Variants in CD1B observed in about 807,000 individuals in gnomAD.
CD1B encodes the protein CD1b molecule, also known as T-cell surface glycoprotein CD1b.
A neutral mutation model predicts 39.8 loss-of-function variants in CD1B; 43 were observed. The ratio of observed to expected loss-of-function variants is 1.08; its 90% confidence interval spans 0.85 to 1.39. The LOEUF (loss-of-function observed/expected upper bound fraction) is 1.39. CD1B is among the 40% of genes most tolerant of loss of function. The pLI is 0.00. For synonymous variants in CD1B, 192 were observed against 152.5 expected (o/e 1.26, Z -1.91); for missense variants, 495 against 403.8 (o/e 1.23, Z -1.94).
chr1:158,320,036 C>T, the CD1B span, among the ~76,000 whole-genome samples: 54 of 152,318 alleles, frequency 3.5e-4, 1 homozygote, highest in African/African-American at 6.0e-4. Context: ...TCTCCAGCTG[C>T]GTACTGGGAG....
At chr1:158,287,564 T>G in the CD1B span, among the ~76,000 whole-genome samples, 15 of 152,142 alleles carry the variant, frequency 9.9e-5, no homozygotes, top group Admixed American at 9.8e-4. Flanking sequence ...CCATTTAGGG[T>G]CCAGTATGAG....
At chr1:158,325,365 T>C (rs576196080), downstream of CD1B, among the ~76,000 whole-genome samples, 1 of 152,278 alleles carries the variant, frequency 6.6e-6, no homozygotes, top group Non-Finnish European at 1.5e-5. Context: ...TTGCATCAGA[T>C]TGGATGCCAA....
At chr1:158,304,330 G>T in the CD1B span, among the ~76,000 whole-genome samples, 1 of 152,188 alleles carries the variant, frequency 6.6e-6, no homozygotes, top group African/African-American at 2.4e-5. Context: ...TGCCCACGGA[G>T]CCTCACTCAT....
chr1:158,292,387 C>A, the CD1B span: 1 of 1,599,726 alleles, frequency 6.3e-7, no homozygotes, highest in East Asian at 2.2e-5. Flanking sequence ...CAGCCCCTTC[C>A]TCTAAGATTT....
chr1:158,330,789 G>T lies in CD1B; in HGVS notation c.328+7C>A. ...AGACTCTTCCCAGTTCGGTGGACTAGACTCACATTTCATCTGGAAATCACC... is the reference window on the plus strand; with the variant it reads ...AGACTCTTCCCAGTTCGGTGGACTATACTCACATTTCATCTGGAAATCACC... On this transcript the variant is annotated splice_region_variant and intron_variant, in intron 2 of 5. Transcript: ENST00000368168. 6.2e-7 allele frequency: 1 copy of T among 1,613,892 alleles called. No individual in the cohort carries two copies. The highest frequency in any genetic ancestry group is 1.1e-5 in the South Asian group (1 of 91,048).
the CD1B span, among the ~76,000 whole-genome samples, chr1:158,291,755 C>T: frequency 6.6e-6 from 1 of 152,104 alleles, no homozygotes; most frequent in Admixed American, 6.5e-5. Context: ...CCATTATGAC[C>T]AATTTCATGC....
the CD1B span, among the ~76,000 whole-genome samples, chr1:158,299,620 CT>C: frequency 3.3e-5 from 5 of 152,200 alleles, no homozygotes; most frequent in Non-Finnish European, 5.9e-5. Context: ...TGGTCCTGGA[CT>C]TTTTTTGGTT....
At chr1:158,319,310 G>T in the CD1B span, among the ~76,000 whole-genome samples, 2 of 151,846 alleles carry the variant, frequency 1.3e-5, no homozygotes, top group Non-Finnish European at 2.9e-5. Context: ...CCAATCAGAC[G>T]TAGATTTGGT....
At chr1:158,294,666 A>T in the CD1B span, among the ~76,000 whole-genome samples, 1 of 152,212 alleles carries the variant, frequency 6.6e-6, no homozygotes, top group Non-Finnish European at 1.5e-5. Flanking sequence ...AGTCAAGCAC[A>T]CCAACAACCT....
chr1:158,293,283 T>C, the CD1B span: 1 of 1,613,942 alleles, frequency 6.2e-7, no homozygotes, highest in Non-Finnish European at 8.5e-7. Context: ...AGTCCTTGTG[T>C]TATGGTTTAA....
At chr1:158,304,326 C>A in the CD1B span, among the ~76,000 whole-genome samples, 9 of 152,132 alleles carry the variant, frequency 5.9e-5, no homozygotes, top group Non-Finnish European at 1.0e-4. Context: ...CCTATGCCCA[C>A]GGAGCCTCAC....
the CD1B span, among the ~76,000 whole-genome samples, chr1:158,287,463 A>G: frequency 6.6e-6 from 1 of 152,150 alleles, no homozygotes; most frequent in Non-Finnish European, 1.5e-5. Context: ...TCCAAATATA[A>G]TCACACTGAG....
Position 158,328,214 on chromosome 1 carries a change from G to A in CD1B, c.*22C>T, listed in dbSNP as rs372825652. 1.3e-5 allele frequency: 21 copies of A among 1,601,926 alleles called. No individual in the cohort carries two copies. The highest frequency in any genetic ancestry group is 1.8e-5 in the Non-Finnish European group (21 of 1,169,830). Reference sequence around the variant, plus strand: ...GGCTTCTTGGTACTTATTGCGAATGGGAGAGGAGACATGATGATGGCTCAT... The same window carrying A: ...GGCTTCTTGGTACTTATTGCGAATGAGAGAGGAGACATGATGATGGCTCAT... On this transcript the variant is annotated 3_prime_UTR_variant, in exon 6 of 6. Transcript: ENST00000368168.
intron 4 of CD1B, 104 bp downstream of exon 4, chr1:158,329,266 C>G: frequency 4.4e-6 from 6 of 1,360,682 alleles, no homozygotes; most frequent in Non-Finnish European, 6.1e-6. Flanking sequence ...ATCAATCAAT[C>G]TCTCCCTCTT....
rs761810242 is a variant in CD1B, at chr1:158,330,925, A to T, written c.199T>A (p.Phe67Ile). ...GWDSDSGTAIFLKPWSKGNFS... is the reference protein window; with the variant it reads ...GWDSDSGTAIILKPWSKGNFS... ...TTACCTTTAGACCAAGGCTTCAGGA[A>T]TATGGCAGTGCCTGAGTCGCTATCC... The change falls in exon 2 of 6, where the codon TTC (phenylalanine) becomes ATC (isoleucine). Residue 67 changes from phenylalanine to isoleucine, a missense_variant. Physicochemically the swap from Phe to Ile is conservative, Grantham distance 21 (BLOSUM62 0). Transcript: ENST00000368168. The T allele has an allele frequency of 1.2e-6, 2 of 1,614,112 alleles. No individual in the cohort carries two copies. The highest frequency in any genetic ancestry group is 2.2e-5 in the South Asian group (2 of 91,072).
At chr1:158,302,800 C>T in the CD1B span, among the ~76,000 whole-genome samples, 1 of 151,984 alleles carries the variant, frequency 6.6e-6, no homozygotes, top group Admixed American at 6.6e-5. Context: ...AAAAAGGTTG[C>T]CAATCAGAAA....
At chr1:158,330,691 G>T in intron 2 of CD1B, 105 bp downstream of exon 2, 1 of 1,155,932 alleles carries the variant, frequency 8.7e-7, no homozygotes, top group South Asian at 1.2e-5. Flanking sequence ...GTGCATTTGG[G>T]TAAAATAGAA....
chr1:158,329,069 C>A, intron 4 of CD1B, 55 bp from the exon 5 acceptor site: 3 of 1,421,474 alleles, frequency 2.1e-6, no homozygotes, highest in East Asian at 4.6e-5. Flanking sequence ...ACACAGAATT[C>A]CTTGGCCTTC....
the CD1B span, among the ~76,000 whole-genome samples, chr1:158,299,629 G>T: frequency 6.6e-6 from 1 of 152,036 alleles, no homozygotes; most frequent in African/African-American, 2.4e-5. Context: ...ACTTTTTTTG[G>T]TTGGCAGGCT....
Sources: allele counts gnomAD v4.1 joint callset (sites outside exome capture counted in the v4.1 genomes callset), GRCh38; gene constraint gnomAD v4.1.1; transcripts MANE v1.5; gene names NCBI Gene and HGNC (gene_info 2026-07-23, HGNC 2026-07-21).